Variants in GRB10 observed in about 807,000 individuals in gnomAD.
The protein encoded by GRB10 is growth factor receptor-bound protein 10.
Under a neutral mutation model 80.9 loss-of-function variants are expected in GRB10, and 20 were observed. The ratio of observed to expected loss-of-function variants is 0.25; its 90% confidence interval spans 0.17 to 0.36. GRB10 has a LOEUF of 0.36. Among genes scored for constraint, GRB10 ranks in the 10% least tolerant of loss-of-function variants. GRB10 has a pLI of 1.00. For missense variants in GRB10, 548 were observed against 747.7 expected, an observed-to-expected ratio of 0.73 and a Z score of 3.12; for synonymous variants, 291 against 291.5, an observed-to-expected ratio of 1.00 and a Z score of 0.02.
chr7:50,632,094 C>A (rs2054105924), intron 7 of GRB10, among the ~76,000 whole-genome samples: 1 of 152,278 alleles, frequency 6.6e-6, no homozygotes, highest in South Asian at 2.1e-4. Flanking sequence ...AGGGCATAAC[C>A]AACCAGGGTA....
intron 7 of GRB10, among the ~76,000 whole-genome samples, chr7:50,660,691 G>A (rs979634610): frequency 1.3e-5 from 2 of 152,176 alleles, no homozygotes; most frequent in African/African-American, 4.8e-5. Context: ...AGAAGGAAAG[G>A]AGTTAGAGAT....
intron 13 of GRB10, among the ~76,000 whole-genome samples, chr7:50,611,970 G>A (rs2049613935): frequency 6.6e-6 from 1 of 152,162 alleles, no homozygotes; most frequent in South Asian, 2.1e-4. Context: ...CCAGACATGT[G>A]GGATATGGTA....
At chr7:50,603,092 T>C (rs144311404) in intron 17 of GRB10, among the ~76,000 whole-genome samples, 1 of 152,336 alleles carries the variant, frequency 6.6e-6, no homozygotes, top group African/African-American at 2.4e-5. Context: ...ACAAGAATCA[T>C]TCTTTGAGTT....
intron 7 of GRB10, among the ~76,000 whole-genome samples, chr7:50,667,449 T>C (rs1017061504): frequency 4.6e-5 from 7 of 152,060 alleles, no homozygotes; most frequent in African/African-American, 1.7e-4. Context: ...AAGAAGAACA[T>C]CAGATTTCTC....
intron 2 of GRB10, among the ~76,000 whole-genome samples, chr7:50,771,621 C>G (rs2076989291): frequency 6.6e-6 from 1 of 152,210 alleles, no homozygotes; most frequent in South Asian, 2.1e-4. Flanking sequence ...AAACAGCACA[C>G]ATCAGCGCCC....
intron 9 of GRB10, among the ~76,000 whole-genome samples, chr7:50,618,417 T>C (rs1393706802): frequency 6.6e-6 from 1 of 152,240 alleles, no homozygotes; most frequent in African/African-American, 2.4e-5. Flanking sequence ...CAAAGAGCGA[T>C]GCCAGCGTCC....
chr7:50,639,615 G>C (rs2055813669), intron 7 of GRB10, among the ~76,000 whole-genome samples: 1 of 151,832 alleles, frequency 6.6e-6, no homozygotes, highest in South Asian at 2.1e-4. Context: ...GGAGCTTGCA[G>C]TGAGCCGAGA....
chr7:50,620,430 T>C (rs1470469274), intron 8 of GRB10, among the ~76,000 whole-genome samples: 3 of 151,924 alleles, frequency 2.0e-5, no homozygotes, highest in Non-Finnish European at 2.9e-5. Context: ...CAGAAAAGAC[T>C]TTCCGTCTAC....
intron 12 of GRB10, among the ~76,000 whole-genome samples, chr7:50,613,283 G>T (rs542204132): frequency 2.0e-5 from 3 of 152,212 alleles, no homozygotes; most frequent in Non-Finnish European, 2.9e-5. Flanking sequence ...AGGGGCTGCT[G>T]CAGGGCTTAG....
intron 5 of GRB10, among the ~76,000 whole-genome samples, chr7:50,691,199 T>G (rs760424574): frequency 2.0e-5 from 3 of 152,130 alleles, no homozygotes; most frequent in African/African-American, 4.8e-5. Flanking sequence ...ATCCCTACAG[T>G]TGAAATCTTG....
chr7:50,653,313 TGAAGCCGG>T (rs1340007696), intron 7 of GRB10, among the ~76,000 whole-genome samples: 1 of 152,114 alleles, frequency 6.6e-6, no homozygotes, highest in Non-Finnish European at 1.5e-5. Context: ...GCACCGCCCA[TGAAGCCGG>T]GAACAGCCAC....
chr7:50,674,425 C>T lies in GRB10; in HGVS notation c.362+11G>A, dbSNP rs944448688. The stretch of plus-strand genomic sequence containing the variant: ...CTTGGAGAAGGCTCTGCCCATAAGG[C>T]CTGGACCTACCTGACAGCGAGGATG... On this transcript the variant is annotated intron_variant, in intron 6 of 18. Coordinates refer to ENST00000401949, the MANE Select transcript of GRB10 (RefSeq NM_001350814.2). The T allele has an allele frequency of 8.1e-6, 13 of 1,601,808 alleles. No homozygotes were observed. The East Asian group carries it at 1.6e-4, about 19-fold the overall frequency.
Position 50,732,351 on chromosome 7 carries a change from T to C in GRB10, c.-29A>G, listed in dbSNP as rs1424307035. 2 of 1,603,978 alleles carry C rather than the reference T, an allele frequency of 1.2e-6. No individual in the cohort carries two copies. The highest frequency in any genetic ancestry group is 1.7e-6 in the Non-Finnish European group (2 of 1,171,160). ...TTCCTTCTGCCTTCTTCAAATTACA[T>C]TTACTGCGCTGCAGCACCTGGAATA... On this transcript the variant is annotated 5_prime_UTR_variant, in exon 4 of 19. It removes an upstream start codon present in the reference 5' UTR. Coordinates refer to ENST00000401949, the MANE Select transcript of GRB10 (RefSeq NM_001350814.2).
At chr7:50,600,381 G>T (rs578185647) in intron 17 of GRB10, among the ~76,000 whole-genome samples, 6 of 152,188 alleles carry the variant, frequency 3.9e-5, no homozygotes, top group South Asian at 2.1e-4. Context: ...CTGACATCTT[G>T]AGTAAGGAGT....
intron 4 of GRB10, among the ~76,000 whole-genome samples, chr7:50,704,384 GAAC>G (rs1265331133): frequency 6.6e-6 from 1 of 152,124 alleles, no homozygotes; most frequent in Non-Finnish European, 1.5e-5. Flanking sequence ...ATTAGTGTGA[GAAC>G]AACACTTTCA....
intron 4 of GRB10, among the ~76,000 whole-genome samples, chr7:50,729,652 G>A (rs916150385): frequency 2.2e-4 from 33 of 152,162 alleles, no homozygotes; most frequent in African/African-American, 7.5e-4. Flanking sequence ...AATAAATGAG[G>A]AAATTTCTTG....
At chr7:50,610,114 T>C (rs745885075) in intron 13 of GRB10, among the ~76,000 whole-genome samples, 2 of 152,128 alleles carry the variant, frequency 1.3e-5, no homozygotes, top group Non-Finnish European at 2.9e-5. Context: ...GGGGATCCGG[T>C]GTCCTGTGTC....
At chr7:50,609,503 A>G (rs1377800532) in intron 13 of GRB10, among the ~76,000 whole-genome samples, 3 of 152,226 alleles carry the variant, frequency 2.0e-5, no homozygotes, top group African/African-American at 7.2e-5. Context: ...ACATGTTTGC[A>G]TGTATATATT....
At chr7:50,684,994 T>C (rs1320611351) in intron 5 of GRB10, among the ~76,000 whole-genome samples, 1 of 152,220 alleles carries the variant, frequency 6.6e-6, no homozygotes. Flanking sequence ...ATCCAGGTTA[T>C]GGTCCAAATT....
Sources: allele counts gnomAD v4.1 joint callset (sites outside exome capture counted in the v4.1 genomes callset), GRCh38; gene constraint gnomAD v4.1.1; transcripts MANE v1.5; gene names NCBI Gene and HGNC (gene_info 2026-07-23, HGNC 2026-07-21).